KIAA0408: variants seen among roughly 807,000 people sequenced by gnomAD.
The protein encoded by KIAA0408 is uncharacterized protein KIAA0408.
Under a neutral mutation model 60.9 loss-of-function variants are expected in KIAA0408, and 51 were observed. That is an observed-to-expected ratio of 0.84 (90% CI 0.67 to 1.06). KIAA0408 has a LOEUF of 1.06. Among genes scored for constraint, KIAA0408 ranks in the 50% least tolerant of loss-of-function variants. The probability of loss-of-function intolerance (pLI) is 0.00; values close to 1 mark genes in which losing one functional copy is unlikely to be tolerated. For missense variants in KIAA0408, 787 were observed against 833.9 expected (o/e 0.94, Z 0.69); for synonymous variants, 304 against 282.4 (o/e 1.08, Z -0.77).
chr6:127,439,912 T>C lies in KIAA0408; in HGVS notation c.*4197A>G, dbSNP rs1389069978. On this transcript the variant is annotated 3_prime_UTR_variant, in exon 6 of 6. Coordinates refer to ENST00000483725, the MANE Select transcript of KIAA0408 (RefSeq NM_014702.5). Reference sequence around the variant, plus strand: ...TGAGTGAGCCCAGGCTTGGATTCTGTCCCTGCAATCTTGGCAGCCATGCAG... The same window carrying C: ...TGAGTGAGCCCAGGCTTGGATTCTGCCCCTGCAATCTTGGCAGCCATGCAG... 6.6e-6 allele frequency: 1 copy of C among 152,176 alleles called. No homozygotes were observed. The highest frequency in any genetic ancestry group is 1.5e-5 in the Non-Finnish European group (1 of 68,036). 9.4% of individuals were successfully genotyped at this position (152,176 alleles called of 1,614,324 possible).
chr6:127,449,208 A>C (rs990936554), intron 4 of KIAA0408, among the ~76,000 whole-genome samples: 8 of 152,224 alleles, frequency 5.3e-5, no homozygotes, highest in African/African-American at 1.9e-4. Flanking sequence ...AATGCTCAGA[A>C]TGAGAAAGAA....
chr6:127,454,172 G>C, intron 1 of KIAA0408, 71 bp from the exon 2 acceptor site: 1 of 1,250,312 alleles, frequency 8.0e-7, no homozygotes, highest in Non-Finnish European at 1.0e-6. Context: ...TCATTTTGTC[G>C]AGCCATTGAC....
intron 2 of KIAA0408, chr6:127,451,221 A>G (rs1773297480): frequency 4.5e-6 from 2 of 439,586 alleles, no homozygotes; most frequent in Admixed American, 2.5e-5. Context: ...GCCGCAATCA[A>G]TATCTACACT....
intron 2 of KIAA0408, 100 bp from the exon 3 acceptor site, chr6:127,450,452 A>T: frequency 7.0e-7 from 1 of 1,435,772 alleles, no homozygotes; most frequent in South Asian, 1.5e-5. Flanking sequence ...TCTTTGCCAT[A>T]TTAAAATATA....
chr6:127,443,947 A>C lies in KIAA0408; in HGVS notation c.*162T>G, dbSNP rs1773144148. On this transcript the variant is annotated 3_prime_UTR_variant, in exon 6 of 6. Transcript: ENST00000483725. Reference sequence around the variant, plus strand: ...ATTCTGATCTAAGAAATCAAAATGCAGGAAGATAATTATTCCTTAGATTAA... The same window carrying C: ...ATTCTGATCTAAGAAATCAAAATGCCGGAAGATAATTATTCCTTAGATTAA... 3.2e-6 allele frequency: 2 copies of C among 627,224 alleles called. No individual in the cohort carries two copies. Among genetic ancestry groups the C allele is most frequent in the African/African-American group, 1.9e-5 (1 of 53,060 alleles). The allele number at this position is 627,224 out of a possible 1,614,324, so 38.9% of individuals were successfully genotyped here.
rs768096533 is a variant in KIAA0408, at chr6:127,447,691, G to A, written c.628C>T (p.Pro210Ser). ...TTGTTGATCATGGGGTCCCCATGAG[G>A]TATATTAGTTACATTTGGCATTTCC... is the stretch of plus-strand genomic sequence containing the variant. ...LQEMPNVTNI[P>S]HGDPMINNDQ... Residue 210 changes from proline (P) to serine (S), a missense_variant, in exon 5 of 6, where the codon CCT becomes TCT. This residue lies in a region of KIAA0408 where 640 missense variants were observed against 681.3 expected (regional missense o/e 0.94). Coordinates refer to ENST00000483725, the MANE Select transcript of KIAA0408 (RefSeq NM_014702.5). 1.3e-6 allele frequency: 2 copies of A among 1,576,196 alleles called. No individual in the cohort carries two copies. The highest frequency in any genetic ancestry group is 1.7e-6 in the Non-Finnish European group (2 of 1,167,822).
At position 127,438,408 on chromosome 6, in the gene KIAA0408, G is replaced by T. The variant is rs541343124; in HGVS notation, c.*5701C>A. On this transcript the variant is annotated 3_prime_UTR_variant, in exon 6 of 6. Transcript: ENST00000483725. The stretch of plus-strand genomic sequence containing the variant: ...AGAAAAAATCTGCAGATCCCAAATA[G>T]CTGGATTAAATTTGTTTAATGATTC... 6.6e-6 allele frequency: 1 copy of T among 152,262 alleles called. No homozygotes were observed. Among genetic ancestry groups the T allele is most frequent in the Non-Finnish European group, 1.5e-5 (1 of 68,024 alleles). The allele number at this position is 152,262 out of a possible 1,614,324, so 9.4% of individuals were successfully genotyped here.
At chr6:127,450,771 A>C (rs1773289320) in intron 2 of KIAA0408, 1 of 165,170 alleles carries the variant, frequency 6.1e-6, no homozygotes, top group Non-Finnish European at 1.3e-5. Context: ...GTACACTAAC[A>C]TTTAACTGTC....
Position 127,454,027 on chromosome 6 carries a change from G to C in KIAA0408, c.-46C>G. ...CAAAGAAGTGTTTCTGCTCTTCTCT[G>C]CCTCCTCTTAACTGTTTCTTGGAAG... On this transcript the variant is annotated 5_prime_UTR_variant, in exon 2 of 6. Transcript: ENST00000483725. 1 of 1,570,378 alleles carries C rather than the reference G, an allele frequency of 6.4e-7. No individual in the cohort carries two copies. The highest frequency in any genetic ancestry group is 8.6e-7 in the Non-Finnish European group (1 of 1,158,872).
Position 127,446,728 on chromosome 6 carries a change from G to A in KIAA0408, c.1591C>T (p.Arg531Cys), listed in dbSNP as rs772827319. ...TCGTGGAGCATATTTCGATAACTGCGAGGACTTAGGTGTCCCTGCATTTGT... is the reference window on the plus strand; with the variant it reads ...TCGTGGAGCATATTTCGATAACTGCAAGGACTTAGGTGTCCCTGCATTTGT... ...VRQMQGHLSP[R>C]SYRNMLHEHD... The change falls in exon 5 of 6, where the codon CGC (arginine) becomes TGC (cysteine). Residue 531 changes from arginine to cysteine, a missense_variant. Around this residue, in one of 3 missense-constraint regions of KIAA0408, gnomAD observed 640 missense variants for 681.3 expected, o/e 0.94. Transcript: ENST00000483725. 8.1e-6 allele frequency: 13 copies of A among 1,613,902 alleles called. No individual in the cohort carries two copies. The highest frequency in any genetic ancestry group is 1.0e-5 in the Non-Finnish European group (12 of 1,179,990).
chr6:127,447,149 A>G lies in KIAA0408; in HGVS notation c.1170T>C (p.Tyr390=). The G allele has an allele frequency of 1.9e-6, 3 of 1,613,762 alleles. No individual in the cohort carries two copies. The highest frequency in any genetic ancestry group is 2.5e-6 in the Non-Finnish European group (3 of 1,179,906). Residue 390 remains tyrosine, a synonymous_variant, in exon 5 of 6, where the codon TAT becomes TAC. Coordinates refer to ENST00000483725, the MANE Select transcript of KIAA0408 (RefSeq NM_014702.5). ...CAGGGTGATCTGGGATCACCATTTC[A>G]TATTTTGGATTACTGGGGGTAGAGC... The part of the protein sequence containing the change: ...KTCSTPSNPK[Y]EMVIPDHPAK...
rs1442777899 is a variant in KIAA0408 at position 127,439,635 on chromosome 6, C to A, written c.*4474G>T. The A allele has an allele frequency of 6.7e-6, 1 of 149,634 alleles. No individual in the cohort carries two copies. Among genetic ancestry groups the A allele is most frequent in the Admixed American group, 6.6e-5 (1 of 15,078 alleles). 9.3% of individuals were successfully genotyped at this position (149,634 alleles called of 1,614,324 possible). A position where few individuals can be genotyped will look rare whatever the true frequency, so the allele number is the denominator to read the frequency against. On this transcript the variant is annotated 3_prime_UTR_variant, in exon 6 of 6. Transcript: ENST00000483725. ...CAATCTTTTTTTTTTTTTGTCTTCT[C>A]TTCCTTGGGAAAAGAAGGCTGGAAA...
chr6:127,456,586 C>T (rs1329210329), intron 1 of KIAA0408, among the ~76,000 whole-genome samples: 1 of 152,094 alleles, frequency 6.6e-6, no homozygotes, highest in Non-Finnish European at 1.5e-5. Flanking sequence ...TTTCCAGGCC[C>T]AGAGCAATTG....
At chr6:127,454,600 T>G (rs567544500) in intron 1 of KIAA0408, among the ~76,000 whole-genome samples, 1 of 152,248 alleles carries the variant, frequency 6.6e-6, no homozygotes, top group East Asian at 1.9e-4. Context: ...GTCATTACTG[T>G]GTTACTTATG....
chr6:127,443,997 T>A lies in KIAA0408; in HGVS notation c.*112A>T, dbSNP rs1279109762. The A allele has an allele frequency of 3.3e-5, 30 of 903,836 alleles. No homozygotes were observed. Among genetic ancestry groups the A allele is most frequent in the Non-Finnish European group, 3.0e-5 (18 of 593,666 alleles). The allele number at this position is 903,836 out of a possible 1,614,324, so 56.0% of individuals were successfully genotyped here. ...AAAACACTGAAGACTGATGGAAAGT[T>A]AAGATTCAAATTGCTTGTCGGAAGA... On this transcript the variant is annotated 3_prime_UTR_variant, in exon 6 of 6. Transcript: ENST00000483725.
chr6:127,457,282 G>A (rs1221907920), intron 1 of KIAA0408, among the ~76,000 whole-genome samples: 1 of 152,156 alleles, frequency 6.6e-6, no homozygotes, highest in Non-Finnish European at 1.5e-5. Context: ...GTAATGAGAA[G>A]TTATGGGGTA....
At chr6:127,447,768 G>T (rs779877413) in intron 4 of KIAA0408, 28 bp from the exon 5 acceptor site, 2 of 1,482,244 alleles carry the variant, frequency 1.3e-6, no homozygotes, top group Non-Finnish European at 1.8e-6. Context: ...ATGGTGTATT[G>T]GTTATAACTT....
Position 127,446,576 on chromosome 6 carries a change from A to C in KIAA0408, c.1743T>G (p.Ser581=), listed in dbSNP as rs367604179. The change falls in exon 5 of 6, where the codon TCT becomes TCG. Residue 581 remains serine, a synonymous_variant. Coordinates refer to ENST00000483725, the MANE Select transcript of KIAA0408 (RefSeq NM_014702.5). ...TGGTCCAATTATCCTGGAAGCACTT[A>C]GAATTTTGCAATGCAGACTCTGTTG... is the stretch of plus-strand genomic sequence containing the variant. ...ETATESALQN[S]KCFQDNWTKC... is the part of the protein sequence containing the mutation. The C allele has an allele frequency of 6.2e-7, 1 of 1,614,220 alleles. No homozygotes were observed. The highest frequency in any genetic ancestry group is 1.3e-5 in the African/African-American group (1 of 75,056).
rs1486228234 is a variant in KIAA0408 at position 127,446,403 on chromosome 6, C to T, written c.1911+5G>A. 5 of 1,598,684 alleles carry T rather than the reference C, an allele frequency of 3.1e-6. No homozygotes were observed. Among genetic ancestry groups the T allele is most frequent in the Non-Finnish European group, 4.3e-6 (5 of 1,169,440 alleles). ...TACCAAATTATGTTATATTTGCTTT[C>T]TCACCTCTGTTATCTTTTTCGGATC... On this transcript the variant is annotated splice_donor_5th_base_variant and intron_variant, in intron 5 of 5. Coordinates refer to ENST00000483725, the MANE Select transcript of KIAA0408 (RefSeq NM_014702.5).
Sources: allele counts gnomAD v4.1 joint callset (sites outside exome capture counted in the v4.1 genomes callset), GRCh38; gene constraint gnomAD v4.1.1; regional missense constraint gnomAD v4.1.1; transcripts MANE v1.5; gene names NCBI Gene and HGNC (gene_info 2026-07-23, HGNC 2026-07-21).